Variants in FABP4 observed in about 807,000 individuals in gnomAD.
The protein encoded by FABP4 is fatty acid binding protein 4.
In FABP4, 17 loss-of-function variants were observed where a neutral mutation model predicts 14.6. The ratio of observed to expected loss-of-function variants is 1.16; its 90% CI spans 0.80 to 1.74. The LOEUF is 1.74. FABP4 is among the 40% of genes most tolerant of loss of function. The pLI, the probability that FABP4 is intolerant of heterozygous loss-of-function variation, is 0.00. For missense variants in FABP4, 149 were observed against 160.3 expected, an observed-to-expected ratio of 0.93 and a Z score of 0.38; for synonymous variants, 54 against 54.6, an observed-to-expected ratio of 0.99 and a Z score of 0.05.
In FABP4 at chr8:81,479,436, C is replaced by T. The variant is rs772636190; in HGVS notation, c.326G>A (p.Arg109Gln). Residue 109 changes from arginine (R) to glutamine (Q), a missense_variant, in exon 3 of 4, where the codon CGA (arginine) becomes CAA (glutamine). Physicochemically the swap from Arg to Gln is conservative, Grantham distance 43. Coordinates refer to ENST00000256104, the MANE Select transcript of FABP4 (RefSeq NM_001442.3). ...CACCACCACCAGTTTATCATCCTCTCGTTTTCTCTTTATGGTGGTTGATTT... is the reference window on the plus strand; with the variant it reads ...CACCACCACCAGTTTATCATCCTCTTGTTTTCTCTTTATGGTGGTTGATTT... ...DGKSTTIKRK[R>Q]EDDKLVVECV... 1.3e-5 allele frequency: 21 copies of T among 1,613,076 alleles called. No homozygotes were observed. In the South Asian group the frequency reaches 1.3e-4, roughly 10 times the overall value.
chr8:81,481,427 A>C (rs909768452), intron 1 of FABP4, among the ~76,000 whole-genome samples: 5 of 152,190 alleles, frequency 3.3e-5, no homozygotes, highest in Admixed American at 6.6e-5. Flanking sequence ...CTTTCTTAAA[A>C]AGGGGAATAT....
Position 81,480,500 on chromosome 8 carries a change from A to G in FABP4, c.172T>C (p.Phe58Leu), listed in dbSNP as rs1808061737. Residue 58 changes from phenylalanine to leucine, a missense_variant, in exon 2 of 4, where the codon TTT (phenylalanine) becomes CTT (leucine). Phe to Leu is a conservative substitution (Grantham distance 22). Coordinates refer to ENST00000256104, the MANE Select transcript of FABP4 (RefSeq NM_001442.3). The part of the protein sequence containing the change: ...DVITIKSEST[F>L]KNTEISFILG... ...ATGAAGGAAATCTCAGTATTTTTAA[A>G]GGTACTTTCAGATTTAATGGTGATC... 1.2e-6 allele frequency: 2 copies of G among 1,613,796 alleles called. No homozygotes were observed. The highest frequency in any genetic ancestry group is 2.2e-5 in the East Asian group (1 of 44,894).
chr8:81,480,924 G>T (rs977948057), intron 1 of FABP4, among the ~76,000 whole-genome samples: 14 of 152,052 alleles, frequency 9.2e-5, no homozygotes, highest in Middle Eastern at 6.3e-3. Context: ...ATGTATAAAG[G>T]TTAAGTGGTT....
rs1240105262 is a variant in FABP4, at chr8:81,483,144, G to A, written c.24C>T (p.Thr8=). The A allele has an allele frequency of 6.2e-7, 1 of 1,610,654 alleles. No individual in the cohort carries two copies. Among genetic ancestry groups the A allele is most frequent in the Non-Finnish European group, 8.5e-7 (1 of 1,178,478 alleles). ...AGTTTTCACTGGAGACAAGTTTCCA[G>A]GTACCTACAAAAGCATCACACATTT... is the stretch of plus-strand genomic sequence containing the variant. MCDAFVG[T]WKLVSSENFD... The change falls in exon 1 of 4, where the codon ACC becomes ACT. Residue 8 remains threonine, a synonymous_variant. Coordinates refer to ENST00000256104, the MANE Select transcript of FABP4 (RefSeq NM_001442.3).
rs773886233 is a variant in FABP4 at position 81,480,768 on chromosome 8, T to TAAATA, written c.74-171_74-170insTATTT. 1.4e-3 allele frequency among the ~76,000 whole-genome samples: 187 copies of TAAATA among 130,296 alleles called. 1 individual carries two copies. Among genetic ancestry groups the TAAATA allele is most frequent in the Middle Eastern group, 8.3e-3 (2 of 240 alleles). 85.5% of individuals were successfully genotyped at this position (130,296 alleles called of 152,430 possible). A position where few individuals can be genotyped will look rare whatever the true frequency, so the allele number is the denominator to read the frequency against. ...CTGCAGATAAAATCAGGCCAATACT[T>TAAATA]AAAAAAAAAAAAAAAAGAAAACCCA... is the stretch of plus-strand genomic sequence containing the variant. On this transcript the variant is annotated intron_variant, in intron 1 of 3. Transcript: ENST00000256104.
chr8:81,479,352 A>G (rs1808027879), intron 3 of FABP4, 62 bp downstream of exon 3: 2 of 1,276,962 alleles, frequency 1.6e-6, no homozygotes, highest in African/African-American at 2.9e-5. Context: ...CCTTAAGTGG[A>G]ATAGTGATCA....
intron 1 of FABP4, among the ~76,000 whole-genome samples, chr8:81,481,101 A>G (rs1808073357): frequency 6.6e-6 from 1 of 152,148 alleles, no homozygotes; most frequent in South Asian, 2.1e-4. Flanking sequence ...TATTTAGTTA[A>G]AGGTTCGTCT....
Position 81,478,768 on chromosome 8 carries a change from T to G in FABP4, c.*97A>C, listed in dbSNP as rs983438419. 2.2e-5 allele frequency: 26 copies of G among 1,163,044 alleles called. 1 individual carries two copies. The African/African-American group carries it at 2.9e-4, about 13-fold the overall frequency. The allele number at this position is 1,163,044 out of a possible 1,614,324, so 72.0% of individuals were successfully genotyped here. A position where few individuals can be genotyped will look rare whatever the true frequency, so the allele number is the denominator to read the frequency against. On this transcript the variant is annotated 3_prime_UTR_variant, in exon 4 of 4. Transcript: ENST00000256104. ...GCTTGGGAGAAAATTAGTTGCTTGCTAAATCATGGAAAACAACAATATCTT... is the reference window on the plus strand; with the variant it reads ...GCTTGGGAGAAAATTAGTTGCTTGCGAAATCATGGAAAACAACAATATCTT...
Position 81,479,480 on chromosome 8 carries a change from A to G in FABP4, c.282T>C (p.His94=), listed in dbSNP as rs1197647177. 6.2e-7 allele frequency: 1 copy of G among 1,613,394 alleles called. No homozygotes were observed. Among genetic ancestry groups the G allele is most frequent in the Non-Finnish European group, 8.5e-7 (1 of 1,179,496 alleles). Residue 94 remains histidine (H), a synonymous_variant, in exon 3 of 4, where the codon CAT becomes CAC. Coordinates refer to ENST00000256104, the MANE Select transcript of FABP4 (RefSeq NM_001442.3). ...TTGATTTTCCATCCCATTTCTGCAC[A>G]TGTACCAGGACACCCCCATCTAAGG... The part of the protein sequence containing the change: ...TITLDGGVLV[H]VQKWDGKSTT...
intron 1 of FABP4, among the ~76,000 whole-genome samples, chr8:81,481,960 AT>A (rs1308105973): frequency 1.3e-5 from 2 of 152,176 alleles, no homozygotes; most frequent in East Asian, 3.8e-4. Context: ...AAAACACAGT[AT>A]TATTAGAAAA....
Position 81,478,517 on chromosome 8 carries a change from C to A in FABP4, c.*348G>T, listed in dbSNP as rs1808004720. The A allele has an allele frequency of 2.2e-5, 4 of 184,698 alleles. No individual in the cohort carries two copies. The South Asian group carries it at 6.1e-4, about 28-fold the overall frequency. The allele number at this position is 184,698 out of a possible 1,614,324, so 11.4% of individuals were successfully genotyped here. On this transcript the variant is annotated 3_prime_UTR_variant, in exon 4 of 4. Transcript: ENST00000256104. ...ATTTAATATTCAGTAATGGTACATA[C>A]TTGTTATCTCCTACCTAGGGAAATC...
intron 3 of FABP4, 107 bp downstream of exon 3, chr8:81,479,306 CT>C: frequency 1.1e-6 from 1 of 898,624 alleles, no homozygotes; most frequent in Non-Finnish European, 1.7e-6. Flanking sequence ...ATAAAATCCT[CT>C]TTTTGTTTCA....
At chr8:81,480,768 T>TAAAAAA (rs74275141) in intron 1 of FABP4, among the ~76,000 whole-genome samples, 170 bp from the exon 2 acceptor site, 6 of 130,286 alleles carry the variant, frequency 4.6e-5, no homozygotes, top group Admixed American at 3.9e-4. Flanking sequence ...GGCCAATACT[T>TAAAAAA]AAAAAAAAAA....
In FABP4 at chr8:81,480,083, G is replaced by C. The variant is rs140358155; in HGVS notation, c.246+343C>G. 414 of 185,072 alleles carry C rather than the reference G, an allele frequency of 2.2e-3. 2 individuals carry two copies. The highest frequency in any genetic ancestry group is 9.1e-3 in the African/African-American group (384 of 42,426). 11.5% of individuals were successfully genotyped at this position (185,072 alleles called of 1,614,324 possible). A position where few individuals can be genotyped will look rare whatever the true frequency, so the allele number is the denominator to read the frequency against. ...AATTAGCTGGGTGTGATGGCACACA[G>C]CTGTATTACCAGCTACTCAGGAGGC... On this transcript the variant is annotated intron_variant, in intron 2 of 3. Transcript: ENST00000256104.
intron 1 of FABP4, among the ~76,000 whole-genome samples, 165 bp from the exon 2 acceptor site, chr8:81,480,763 A>T (rs938494205): frequency 3.2e-4 from 48 of 147,938 alleles, no homozygotes; most frequent in Admixed American, 2.7e-3. Context: ...AATCAGGCCA[A>T]TACTTAAAAA....
intron 1 of FABP4, among the ~76,000 whole-genome samples, chr8:81,481,980 T>C (rs1243177791): frequency 1.3e-5 from 2 of 152,116 alleles, no homozygotes; most frequent in Non-Finnish European, 2.9e-5. Context: ...AATATAAATA[T>C]TAAAAGTATA....
At position 81,478,820 on chromosome 8, in the gene FABP4, T is replaced by G; in HGVS notation, c.*45A>C. 6.5e-7 allele frequency: 1 copy of G among 1,538,260 alleles called. No homozygotes were observed. Among genetic ancestry groups the G allele is most frequent in the Non-Finnish European group, 8.9e-7 (1 of 1,117,918 alleles). ...TTGAACAATATATCCCACAGAATGTTGTAGAGTTCAATGCGAACTTCAGTC... is the reference window on the plus strand; with the variant it reads ...TTGAACAATATATCCCACAGAATGTGGTAGAGTTCAATGCGAACTTCAGTC... On this transcript the variant is annotated 3_prime_UTR_variant, in exon 4 of 4. Coordinates refer to ENST00000256104, the MANE Select transcript of FABP4 (RefSeq NM_001442.3).
Position 81,480,497 on chromosome 8 carries a change from T to C in FABP4, c.175A>G (p.Lys59Glu). 1.2e-6 allele frequency: 2 copies of C among 1,613,932 alleles called. No homozygotes were observed. Among genetic ancestry groups the C allele is most frequent in the Non-Finnish European group, 1.7e-6 (2 of 1,179,858 alleles). The change falls in exon 2 of 4, where the codon AAA (lysine) becomes GAA (glutamate). Residue 59 changes from lysine to glutamate, a missense_variant. Transcript: ENST00000256104. ...VITIKSESTF[K>E]NTEISFILGQ... Reference sequence around the variant, plus strand: ...AGTATGAAGGAAATCTCAGTATTTTTAAAGGTACTTTCAGATTTAATGGTG... The same window carrying C: ...AGTATGAAGGAAATCTCAGTATTTTCAAAGGTACTTTCAGATTTAATGGTG...
At chr8:81,480,268 C>T (rs1808056638) in intron 2 of FABP4, among the ~76,000 whole-genome samples, 158 bp downstream of exon 2, 1 of 152,066 alleles carries the variant, frequency 6.6e-6, no homozygotes, top group Non-Finnish European at 1.5e-5. Context: ...AAAAATTCAC[C>T]AACTCTATAT....
Sources: allele counts gnomAD v4.1 joint callset (sites outside exome capture counted in the v4.1 genomes callset), GRCh38; gene constraint gnomAD v4.1.1; transcripts MANE v1.5; gene names NCBI Gene and HGNC (gene_info 2026-07-23, HGNC 2026-07-21).